The following KNDC1 variants were observed in gnomAD, a reference collection of about 807,000 sequenced individuals.
The protein encoded by KNDC1 is kinase non-catalytic C-lobe domain-containing protein 1.
A neutral mutation model predicts 172.8 loss-of-function variants in KNDC1; 106 were observed. The observed-to-expected ratio is 0.61, with a 90% CI of 0.52 to 0.72. KNDC1 has a LOEUF of 0.72. KNDC1 is among the 30% of genes least tolerant of loss of function. The pLI is 0.00. For synonymous variants in KNDC1, 1,083 were observed against 1,062.2 expected (o/e 1.02, Z -0.38); for missense variants, 2,325 against 2,394.5 (o/e 0.97, Z 0.61).
intron 3 of KNDC1, among the ~76,000 whole-genome samples, chr10:133,176,461 G>A (rs938762894): frequency 1.3e-5 from 2 of 152,152 alleles, no homozygotes; most frequent in Non-Finnish European, 2.9e-5. Context: ...TCCCAGGAGG[G>A]TTGTTGCTGG....
intron 5 of KNDC1, among the ~76,000 whole-genome samples, chr10:133,185,320 A>ACAGTGTGGAGTAGGCAGTGTGTG (rs1853860671): frequency 1.8e-5 from 1 of 54,210 alleles, no homozygotes; most frequent in Admixed American, 1.7e-4. Flanking sequence ...GGCAGTGTGT[A>ACAGTGTGGAGTAGGCAGTGTGTG]CAGTGTGGAG....
chr10:133,187,933 C>A (rs1451249069), intron 6 of KNDC1, among the ~76,000 whole-genome samples: 1 of 123,878 alleles, frequency 8.1e-6, no homozygotes, highest in South Asian at 2.4e-4. Context: ...ATGAGCCTGG[C>A]CCCTGCACCC....
At chr10:133,204,236 C>T (rs942834600) in intron 17 of KNDC1, among the ~76,000 whole-genome samples, 5 of 152,202 alleles carry the variant, frequency 3.3e-5, no homozygotes, top group Admixed American at 6.5e-5. Context: ...CTGCCCAGCC[C>T]GGTAGGTCCT....
intron 4 of KNDC1, 148 bp downstream of exon 4, chr10:133,183,638 T>C: frequency 9.3e-7 from 1 of 1,072,908 alleles, no homozygotes; most frequent in Non-Finnish European, 1.3e-6. Flanking sequence ...AAAGGAGGAC[T>C]TGGTTTTTTA....
At position 133,225,099 on chromosome 10, in the gene KNDC1, CAA is replaced by C; in HGVS notation, c.*210_*211del. On this transcript the variant is annotated 3_prime_UTR_variant, in exon 30 of 30. Transcript: ENST00000304613. Reference sequence around the variant, plus strand: ...CCAGCAGACGGAGCCAGGACGGGCACAAGAGTCTTGGAGGTTTGCGTGTTTCT... The same window carrying C: ...CCAGCAGACGGAGCCAGGACGGGCACGAGTCTTGGAGGTTTGCGTGTTTCT... 1 of 583,940 alleles carries C rather than the reference CAA, an allele frequency of 1.7e-6. No homozygotes were observed. Among genetic ancestry groups the C allele is most frequent in the East Asian group, 2.9e-5 (1 of 35,008 alleles). The allele number at this position is 583,940 out of a possible 1,614,324, so 36.2% of individuals were successfully genotyped here.
intron 29 of KNDC1, among the ~76,000 whole-genome samples, chr10:133,223,327 G>C (rs1589781012): frequency 1.6e-5 from 1 of 62,612 alleles, no homozygotes; most frequent in African/African-American, 5.3e-5. Context: ...CGGCGTGTGT[G>C]TGTGTGTGTG....
Position 133,218,821 on chromosome 10 carries a change from C to T in KNDC1, c.4678-10C>T, listed in dbSNP as rs199661000. 5.0e-6 allele frequency: 8 copies of T among 1,609,480 alleles called. No homozygotes were observed. Among genetic ancestry groups the T allele is most frequent in the East Asian group, 2.2e-5 (1 of 44,724 alleles). On this transcript the variant is annotated splice_polypyrimidine_tract_variant and intron_variant, in intron 26 of 29. Coordinates refer to ENST00000304613, the MANE Select transcript of KNDC1 (RefSeq NM_152643.8). ...CAGAAGACGCTGAATGTGTCATTTT[C>T]TTATTGCAGCTGCAGGTGAACTTGC... is the stretch of plus-strand genomic sequence containing the variant.
Position 133,167,484 on chromosome 10 carries a change from T to C in KNDC1, c.206T>C (p.Val69Ala). The change falls in exon 2 of 30, where the codon GTG (valine) becomes GCG (alanine). Residue 69 changes from valine (V) to alanine (A), a missense_variant. By Grantham distance (64) the Val-to-Ala change is moderately conservative. Transcript: ENST00000304613. ...GAGTGCAGCCTGTCCATGCGGAGCG[T>C]GGCCCACGCCGCCATCTTCCAGAGC... is the stretch of plus-strand genomic sequence containing the variant. ...CLECSLSMRS[V>A]AHAAIFQSLC... The C allele has an allele frequency of 1.9e-6, 3 of 1,606,530 alleles. No homozygotes were observed. Among genetic ancestry groups the C allele is most frequent in the Non-Finnish European group, 2.5e-6 (3 of 1,177,362 alleles).
intron 29 of KNDC1, among the ~76,000 whole-genome samples, chr10:133,222,196 T>G (rs368077870): frequency 7.0e-5 from 10 of 143,654 alleles, no homozygotes; most frequent in South Asian, 4.7e-4. Flanking sequence ...GGCAGGAGAA[T>G]GGCGTGAACC....
Position 133,225,022 on chromosome 10 carries a change from A to G in KNDC1, c.*132A>G. ...CCCCCGAACCCTGGGGAGCTGGACCAGGAGGTGGAGGCTCAGGGGACCCCA... is the reference window on the plus strand; with the variant it reads ...CCCCCGAACCCTGGGGAGCTGGACCGGGAGGTGGAGGCTCAGGGGACCCCA... On this transcript the variant is annotated 3_prime_UTR_variant, in exon 30 of 30. Transcript: ENST00000304613. The G allele has an allele frequency of 5.6e-6, 4 of 715,518 alleles. No individual in the cohort carries two copies. Among genetic ancestry groups the G allele is most frequent in the Non-Finnish European group, 9.6e-6 (4 of 416,866 alleles). The allele number at this position is 715,518 out of a possible 1,614,324, so 44.3% of individuals were successfully genotyped here.
At chr10:133,167,662 C>A in intron 2 of KNDC1, 83 bp downstream of exon 2, 1 of 1,403,732 alleles carries the variant, frequency 7.1e-7, no homozygotes, top group Non-Finnish European at 9.7e-7. Flanking sequence ...ACTGGCTCTG[C>A]CGGAGCAGAT....
At chr10:133,175,998 A>T (rs938799772) in intron 3 of KNDC1, among the ~76,000 whole-genome samples, 2 of 137,482 alleles carry the variant, frequency 1.5e-5, no homozygotes, top group Admixed American at 7.1e-5. Flanking sequence ...GCATGGATGG[A>T]TGGGTGGGTG....
Position 133,211,292 on chromosome 10 carries a change from C to T in KNDC1, c.3909-130C>T, listed in dbSNP as rs992782620. 4 of 800,004 alleles carry T rather than the reference C, an allele frequency of 5.0e-6. No homozygotes were observed. In the African/African-American group the frequency reaches 7.0e-5, roughly 14 times the overall value. The allele number at this position is 800,004 out of a possible 1,614,324, so 49.6% of individuals were successfully genotyped here. The stretch of plus-strand genomic sequence containing the variant: ...GGAGGGACCCACGGAAGACCCCCAG[C>T]CCCCTAAGCCCCCTGCACACATGGA... On this transcript the variant is annotated intron_variant, in intron 21 of 29. Transcript: ENST00000304613.
chr10:133,172,155 G>T (rs1395547982), intron 3 of KNDC1, among the ~76,000 whole-genome samples: 1 of 152,118 alleles, frequency 6.6e-6, no homozygotes, highest in Non-Finnish European at 1.5e-5. Context: ...GCTGGGCACT[G>T]TCCCATCTCA....
In KNDC1 at chr10:133,196,525, G is replaced by A. The variant is rs1432911536; in HGVS notation, c.1735-533G>A. Among the ~76,000 whole-genome samples the A allele has an allele frequency of 2.6e-5, 4 of 152,268 alleles. No homozygotes were observed. The South Asian group carries it at 6.2e-4, about 24-fold the overall frequency. On this transcript the variant is annotated intron_variant, in intron 10 of 29. Transcript: ENST00000304613. ...TGGGGACCTGGGTCCAGCCGTCTCC[G>A]CCTCGACTGCTCTGTGGTCTTGGGC...
intron 28 of KNDC1, 97 bp from the exon 29 acceptor site, chr10:133,219,858 C>A (rs576789917): frequency 1.6e-6 from 2 of 1,237,544 alleles, no homozygotes; most frequent in Non-Finnish European, 2.2e-6. Flanking sequence ...GAACGCAGGA[C>A]CCGCTGGGAC....
chr10:133,214,521 C>G (rs1589773682), intron 26 of KNDC1, among the ~76,000 whole-genome samples: 2 of 152,186 alleles, frequency 1.3e-5, no homozygotes, highest in East Asian at 3.9e-4. Context: ...GCTCACCACA[C>G]ACAGAGTCCC....
chr10:133,183,002 G>A (rs935280214), intron 3 of KNDC1, among the ~76,000 whole-genome samples: 4 of 151,306 alleles, frequency 2.6e-5, no homozygotes, highest in East Asian at 3.9e-4. Context: ...GGGCACAGGC[G>A]GCAAGGGCAT....
In KNDC1 at chr10:133,214,059, A is replaced by C; in HGVS notation, c.4614A>C (p.Leu1538=). The change falls in exon 26 of 30, where the codon CTA becomes CTC. Residue 1538 remains leucine, a synonymous_variant. Coordinates refer to ENST00000304613, the MANE Select transcript of KNDC1 (RefSeq NM_152643.8). ...YVQDKYLLQL[L]RNADDVSTWV... Reference sequence around the variant, plus strand: ...AGGACAAGTATCTGTTACAGCTTCTAAGAAACGCAGATGACGTCAGCACCT... The same window carrying C: ...AGGACAAGTATCTGTTACAGCTTCTCAGAAACGCAGATGACGTCAGCACCT... 1 of 1,614,200 alleles carries C rather than the reference A, an allele frequency of 6.2e-7. No homozygotes were observed. Among genetic ancestry groups the C allele is most frequent in the Non-Finnish European group, 8.5e-7 (1 of 1,180,006 alleles).
Sources: gnomAD v4.1 joint callset for allele counts (sites outside exome capture counted in the v4.1 genomes callset) on GRCh38, gnomAD v4.1.1 for gene constraint, MANE v1.5 for transcripts, NCBI Gene and HGNC (gene_info 2026-07-23, HGNC 2026-07-21) for gene names.